Variants in PTPRT observed in about 807,000 individuals in gnomAD.
PTPRT encodes the protein protein tyrosine phosphatase receptor type T.
PTPRT carries 56 observed loss-of-function variants against 176.8 expected under a neutral mutation model. The observed-to-expected ratio is 0.32, with a 90% CI of 0.26 to 0.40. The LOEUF (loss-of-function observed/expected upper bound fraction) is 0.40. Ranked by LOEUF, PTPRT falls within the 10% of genes least tolerant of loss-of-function variation. The probability of loss-of-function intolerance (pLI) is 1.00; values close to 1 mark genes in which losing one functional copy is unlikely to be tolerated. For missense variants in PTPRT, 1,540 were observed against 1,908.2 expected, an observed-to-expected ratio of 0.81 and a Z score of 3.60; for synonymous variants, 783 against 739.0, an observed-to-expected ratio of 1.06 and a Z score of -0.96.
intron 1 of PTPRT, among the ~76,000 whole-genome samples, chr20:43,007,057 T>C (rs1470915282): frequency 6.6e-6 from 1 of 152,154 alleles, no homozygotes; most frequent in Non-Finnish European, 1.5e-5. Flanking sequence ...ATTAGAACAA[T>C]CTAAAATCAA....
At chr20:42,572,920 TTG>T (rs1260559877) in intron 7 of PTPRT, among the ~76,000 whole-genome samples, 2,474 of 137,298 alleles carry the variant, frequency 0.018, 80 homozygotes, top group African/African-American at 0.071. Flanking sequence ...AGATAAGTTT[TTG>T]TTTTTTTTTT....
intron 2 of PTPRT, among the ~76,000 whole-genome samples, chr20:42,880,714 G>A (rs963715282): frequency 2.6e-5 from 4 of 152,330 alleles, no homozygotes; most frequent in African/African-American, 4.8e-5. Context: ...GGGTTTGTGA[G>A]TGAGTGTACT....
rs188733142 is a variant in PTPRT, at chr20:42,862,785, G to T, written c.214+23022C>A. Among the ~76,000 whole-genome samples the T allele has an allele frequency of 5.3e-5, 8 of 152,190 alleles. No homozygotes were observed. The East Asian group carries it at 5.8e-4, about 11-fold the overall frequency. On this transcript the variant is annotated intron_variant, in intron 2 of 30. Transcript: ENST00000373187. Reference sequence around the variant, plus strand: ...AATTTACTACATTACAGCCCATATCGGCTGGGTTTACAGCCACAACAGTTA... The same window carrying T: ...AATTTACTACATTACAGCCCATATCTGCTGGGTTTACAGCCACAACAGTTA...
At chr20:42,333,784 G>C (rs1043710961) in intron 11 of PTPRT, among the ~76,000 whole-genome samples, 1 of 152,106 alleles carries the variant, frequency 6.6e-6, no homozygotes, top group Non-Finnish European at 1.5e-5. Flanking sequence ...GTTCAAGCTA[G>C]ATTCTTCTGC....
intron 1 of PTPRT, among the ~76,000 whole-genome samples, chr20:42,896,158 A>T (rs560482945): frequency 1.3e-5 from 2 of 152,270 alleles, no homozygotes; most frequent in East Asian, 3.9e-4. Context: ...ATAGATAAGG[A>T]AACTGAGGCA....
intron 7 of PTPRT, among the ~76,000 whole-genome samples, chr20:42,579,163 G>GT (rs59941593): frequency 0.011 from 1,720 of 149,650 alleles, 30 homozygotes; most frequent in African/African-American, 0.032. Flanking sequence ...GCGGTGTTTG[G>GT]TTTTTTGTCC....
At chr20:42,062,905 C>T in the PTPRT span, among the ~76,000 whole-genome samples, 3,492 of 152,334 alleles carry the variant, frequency 0.023, 131 homozygotes, top group African/African-American at 0.079. Context: ...GGAGCTATGA[C>T]TTTTACAGGT....
chr20:43,117,816 G>T (rs1311489435), intron 1 of PTPRT, among the ~76,000 whole-genome samples: 1 of 152,096 alleles, frequency 6.6e-6, no homozygotes, highest in East Asian at 1.9e-4. Flanking sequence ...GAAGCAATTC[G>T]CTCTCATTTA....
At chr20:43,179,438 TAA>T (rs2015195292) in intron 1 of PTPRT, among the ~76,000 whole-genome samples, 1 of 152,232 alleles carries the variant, frequency 6.6e-6, no homozygotes, top group South Asian at 2.1e-4. Context: ...ATAAAAATAT[TAA>T]GTTTCAGCTA....
chr20:42,725,007 TTTTGTG>T (rs909682681), intron 6 of PTPRT, among the ~76,000 whole-genome samples: 1 of 111,060 alleles, frequency 9.0e-6, no homozygotes, highest in Non-Finnish European at 1.9e-5. Flanking sequence ...TGTGGACATC[TTTTGTG>T]TGTGTGTGTG....
At chr20:42,702,428 TA>T (rs2075987364) in intron 6 of PTPRT, among the ~76,000 whole-genome samples, 1 of 152,140 alleles carries the variant, frequency 6.6e-6, no homozygotes. Context: ...GCAGAGGCTT[TA>T]AAAGGCTGGG....
chr20:42,039,057 T>C, the PTPRT span, among the ~76,000 whole-genome samples: 1 of 152,206 alleles, frequency 6.6e-6, no homozygotes, highest in East Asian at 1.9e-4. Flanking sequence ...GAGTTTCTAA[T>C]TGCAGAGATT....
At chr20:43,038,214 A>G (rs866953147) in intron 1 of PTPRT, among the ~76,000 whole-genome samples, 1 of 149,908 alleles carries the variant, frequency 6.7e-6, no homozygotes, top group Non-Finnish European at 1.5e-5. Context: ...CTAATAAAAT[A>G]CGAATTACAA....
intron 7 of PTPRT, among the ~76,000 whole-genome samples, chr20:42,625,453 ATTCT>A (rs1188783043): frequency 9.9e-5 from 15 of 151,854 alleles, no homozygotes; most frequent in African/African-American, 3.6e-4. Flanking sequence ...TTTTTCTTTA[ATTCT>A]TTCTGTGAAA....
intron 6 of PTPRT, among the ~76,000 whole-genome samples, chr20:42,695,677 A>C (rs2075863519): frequency 6.6e-6 from 1 of 152,208 alleles, no homozygotes; most frequent in Non-Finnish European, 1.5e-5. Flanking sequence ...TCTTCATTGA[A>C]CTTAACAAGG....
chr20:42,346,658 A>G (rs2058199873), intron 11 of PTPRT, among the ~76,000 whole-genome samples: 1 of 152,130 alleles, frequency 6.6e-6, no homozygotes, highest in Non-Finnish European at 1.5e-5. Flanking sequence ...CCCCCTGCAC[A>G]CTCAGTTCTA....
chr20:42,496,277 T>G (rs893130356), intron 7 of PTPRT, among the ~76,000 whole-genome samples: 1 of 152,106 alleles, frequency 6.6e-6, no homozygotes, highest in Non-Finnish European at 1.5e-5. Context: ...CCCATGTAAC[T>G]TCACAAAAAC....
intron 1 of PTPRT, among the ~76,000 whole-genome samples, chr20:43,017,222 C>T (rs1357928861): frequency 1.3e-5 from 2 of 152,142 alleles, no homozygotes; most frequent in Non-Finnish European, 2.9e-5. Flanking sequence ...TGTAGTTCAT[C>T]CATTTAATTT....
At chr20:42,217,514 G>A (rs1306296014) in intron 15 of PTPRT, among the ~76,000 whole-genome samples, 1 of 151,528 alleles carries the variant, frequency 6.6e-6, no homozygotes, top group Non-Finnish European at 1.5e-5. Context: ...CATTTTTCTA[G>A]AATTTTATCC....
Sources: allele counts gnomAD v4.1 joint callset (sites outside exome capture counted in the v4.1 genomes callset), GRCh38; gene constraint gnomAD v4.1.1; transcripts MANE v1.5; gene names NCBI Gene and HGNC (gene_info 2026-07-23, HGNC 2026-07-21).